Variants in AGBL2 observed in about 807,000 individuals in gnomAD.
AGBL2 encodes cytosolic carboxypeptidase 2.
AGBL2 carries 87 observed loss-of-function variants against 103.0 expected under a neutral mutation model. The ratio of observed to expected loss-of-function variants is 0.84; its 90% CI spans 0.71 to 1.01. The LOEUF (loss-of-function observed/expected upper bound fraction) is 1.01, where lower values mean the gene tolerates loss of function less well. AGBL2 is among the 50% of genes least tolerant of loss of function. AGBL2 has a pLI of 0.00. For missense variants in AGBL2, 904 were observed against 1,023.5 expected, an observed-to-expected ratio of 0.88 and a Z score of 1.59; for synonymous variants, 335 against 356.7, an observed-to-expected ratio of 0.94 and a Z score of 0.69.
intron 4 of AGBL2, among the ~76,000 whole-genome samples, chr11:47,708,088 G>A (rs554271584): frequency 1.3e-5 from 2 of 150,386 alleles, no homozygotes; most frequent in African/African-American, 2.4e-5. Flanking sequence ...TTTTTTTTGA[G>A]ATGGAGTCTC....
At chr11:47,692,537 G>A (rs553750822) in intron 8 of AGBL2, among the ~76,000 whole-genome samples, 27 of 143,832 alleles carry the variant, frequency 1.9e-4, no homozygotes, top group Admixed American at 9.5e-4. Context: ...TCAGCCTCCC[G>A]AGTAGCTGGG....
At chr11:47,683,672 T>C (rs2097411385) in intron 11 of AGBL2, among the ~76,000 whole-genome samples, 1 of 151,174 alleles carries the variant, frequency 6.6e-6, no homozygotes, top group African/African-American at 2.4e-5. Context: ...CCCAGGAGGC[T>C]GAGGTAGGAG....
At chr11:47,693,997 C>T (rs2097457706) in intron 8 of AGBL2, among the ~76,000 whole-genome samples, 1 of 151,984 alleles carries the variant, frequency 6.6e-6, no homozygotes, top group Non-Finnish European at 1.5e-5. Flanking sequence ...TGAGACCAGC[C>T]TGGGCAACAT....
At chr11:47,673,164 A>G (rs1339542501) in intron 14 of AGBL2, among the ~76,000 whole-genome samples, 1 of 152,196 alleles carries the variant, frequency 6.6e-6, no homozygotes, top group Non-Finnish European at 1.5e-5. Context: ...TGCAGAACCT[A>G]TCTCCTAGTA....
chr11:47,661,173 ATTTTTTTTT>A (rs2097327028), intron 18 of AGBL2, among the ~76,000 whole-genome samples: 1 of 151,468 alleles, frequency 6.6e-6, no homozygotes, highest in Non-Finnish European at 1.5e-5. Context: ...AAAAAAAAAA[ATTTTTTTTT>A]AAGAAAATGA....
intron 15 of AGBL2, among the ~76,000 whole-genome samples, chr11:47,668,064 C>T (rs771123594): frequency 6.6e-6 from 1 of 151,968 alleles, no homozygotes; most frequent in African/African-American, 2.4e-5. Flanking sequence ...CTAAAATTAG[C>T]CGGGTGAGGT....
intron 15 of AGBL2, 21 bp downstream of exon 15, chr11:47,668,820 G>A: frequency 6.3e-7 from 1 of 1,598,672 alleles, no homozygotes. Context: ...GCTATTTCCT[G>A]GGTATAAGAG....
At chr11:47,692,361 A>G in intron 8 of AGBL2, 105 bp from the exon 9 acceptor site, 4 of 726,258 alleles carry the variant, frequency 5.5e-6, no homozygotes, top group Non-Finnish European at 8.4e-6. Flanking sequence ...TAGACCAACA[A>G]TGAAATTTCT....
chr11:47,682,266 A>G (rs916875988), intron 11 of AGBL2, among the ~76,000 whole-genome samples, 171 bp from the exon 12 acceptor site: 1 of 152,156 alleles, frequency 6.6e-6, no homozygotes, highest in African/African-American at 2.4e-5. Context: ...CAGGGGAAAA[A>G]GGAGTTCTGT....
chr11:47,685,996 C>G lies in AGBL2; in HGVS notation c.1685G>C (p.Arg562Pro). ...GCCATACAGGAAGATATTATTCTTA[C>G]GACTGTGGCCATGGAAATCACAATA... is the stretch of plus-strand genomic sequence containing the variant. ...LLYCDFHGHSRKNNIFLYGCN... is the reference protein window; with the variant it reads ...LLYCDFHGHSPKNNIFLYGCN... The change falls in exon 11 of 19, where the codon CGT becomes CCT. Residue 562 changes from arginine to proline, a missense_variant. Transcript: ENST00000525123. The G allele has an allele frequency of 6.2e-7, 1 of 1,613,926 alleles. No homozygotes were observed. The highest frequency in any genetic ancestry group is 1.1e-5 in the South Asian group (1 of 91,056).
At chr11:47,684,264 C>T (rs899289067) in intron 11 of AGBL2, among the ~76,000 whole-genome samples, 3 of 150,760 alleles carry the variant, frequency 2.0e-5, no homozygotes, top group Non-Finnish European at 3.0e-5. Context: ...AGCAAGACTA[C>T]GTCTTGAAAA....
intron 3 of AGBL2, chr11:47,711,037 C>T (rs923325099): frequency 5.9e-6 from 2 of 340,668 alleles, no homozygotes; most frequent in African/African-American, 2.2e-5. Flanking sequence ...ATGTAACAAA[C>T]CTGCACATGT....
chr11:47,700,343 A>G (rs1400304955), intron 7 of AGBL2, among the ~76,000 whole-genome samples: 2 of 151,542 alleles, frequency 1.3e-5, no homozygotes, highest in African/African-American at 4.8e-5. Flanking sequence ...CTTTGGGAGG[A>G]CAAGGTGGGT....
chr11:47,672,632 G>C (rs2097360996), intron 14 of AGBL2, among the ~76,000 whole-genome samples: 1 of 151,982 alleles, frequency 6.6e-6, no homozygotes, highest in Non-Finnish European at 1.5e-5. Context: ...TGTTTTTGAG[G>C]GTGTATTTGG....
chr11:47,663,617 C>T (rs1357783431), intron 17 of AGBL2, among the ~76,000 whole-genome samples: 2 of 148,910 alleles, frequency 1.3e-5, no homozygotes, highest in African/African-American at 2.5e-5. Flanking sequence ...AGTGCAATGG[C>T]GCAATCTTGG....
intron 3 of AGBL2, among the ~76,000 whole-genome samples, chr11:47,713,640 G>A (rs1366803697): frequency 6.6e-6 from 1 of 151,134 alleles, no homozygotes; most frequent in Non-Finnish European, 1.5e-5. Flanking sequence ...CCAGGCTGGA[G>A]TGCAGTGGCT....
intron 13 of AGBL2, among the ~76,000 whole-genome samples, chr11:47,678,074 C>G (rs2097382688): frequency 6.6e-6 from 1 of 151,970 alleles, no homozygotes; most frequent in Non-Finnish European, 1.5e-5. Flanking sequence ...AGCCATTCTC[C>G]TGCCTCAGCC....
At chr11:47,673,793 C>CA (rs66460144) in intron 14 of AGBL2, among the ~76,000 whole-genome samples, 35,150 of 75,894 alleles carry the variant, frequency 0.46, 7,328 homozygotes, top group Non-Finnish European at 0.5. Context: ...GACTCCATCT[C>CA]AAAAAAAAAA....
intron 13 of AGBL2, among the ~76,000 whole-genome samples, chr11:47,679,522 G>A (rs555600074): frequency 6.9e-4 from 105 of 152,096 alleles, no homozygotes; most frequent in African/African-American, 2.4e-3. Context: ...TGCAGTCTGG[G>A]GGCTTTCTTA....
Sources: gnomAD v4.1 joint callset for allele counts (sites outside exome capture counted in the v4.1 genomes callset) on GRCh38, gnomAD v4.1.1 for gene constraint, MANE v1.5 for transcripts, NCBI Gene and HGNC (gene_info 2026-07-23, HGNC 2026-07-21) for gene names.